Variants in THRB observed in about 807,000 individuals in gnomAD.
THRB encodes the protein nuclear receptor subfamily 1 group A member 2.
THRB carries 12 observed loss-of-function variants against 47.8 expected under a neutral mutation model. That is an observed-to-expected ratio of 0.25 (90% CI 0.16 to 0.41). The LOEUF is 0.41. Ranked by LOEUF, THRB falls within the 10% of genes least tolerant of loss-of-function variation. THRB has a pLI of 1.00. For synonymous variants in THRB, 218 were observed against 212.2 expected (o/e 1.03, Z -0.24); for missense variants, 348 against 589.2 (o/e 0.59, Z 4.24).
chr3:24,386,500 G>A (rs2066115724), intron 1 of THRB, among the ~76,000 whole-genome samples: 2 of 152,040 alleles, frequency 1.3e-5, no homozygotes, highest in African/African-American at 2.4e-5. Context: ...GGTATTTAAG[G>A]CCATCTGCAA....
intron 1 of THRB, among the ~76,000 whole-genome samples, chr3:24,374,289 T>C (rs1470267023): frequency 6.6e-6 from 1 of 152,104 alleles, no homozygotes; most frequent in Non-Finnish European, 1.5e-5. Flanking sequence ...TATAAGCATA[T>C]AAAGACAGAC....
At chr3:24,453,117 A>G (rs553573292) in intron 1 of THRB, among the ~76,000 whole-genome samples, 7 of 152,262 alleles carry the variant, frequency 4.6e-5, no homozygotes, top group Admixed American at 2.6e-4. Flanking sequence ...GATACCTGTC[A>G]GTTGTCTTTG....
intron 2 of THRB, among the ~76,000 whole-genome samples, chr3:24,302,206 G>A (rs2056991512): frequency 6.6e-6 from 1 of 152,168 alleles, no homozygotes; most frequent in South Asian, 2.1e-4. Context: ...CGTTCTAGAT[G>A]TACCCTCCAT....
chr3:24,392,137 T>A (rs975947451), intron 1 of THRB, among the ~76,000 whole-genome samples: 26 of 152,192 alleles, frequency 1.7e-4, no homozygotes, highest in African/African-American at 6.0e-4. Flanking sequence ...GAAACCACCA[T>A]TATATTACTT....
At chr3:24,156,086 A>G (rs888217233) in intron 5 of THRB, among the ~76,000 whole-genome samples, 2 of 152,242 alleles carry the variant, frequency 1.3e-5, no homozygotes, top group African/African-American at 4.8e-5. Flanking sequence ...TTTTCAGTTG[A>G]CATTTGGCAA....
intron 2 of THRB, among the ~76,000 whole-genome samples, chr3:24,328,618 C>T (rs1014213763): frequency 1.2e-4 from 19 of 152,138 alleles, no homozygotes; most frequent in Admixed American, 1.0e-3. Context: ...CCCCATGTTT[C>T]GTCAATTCTA....
At chr3:24,470,934 C>T (rs919134486) in intron 1 of THRB, among the ~76,000 whole-genome samples, 8 of 152,212 alleles carry the variant, frequency 5.3e-5, no homozygotes, top group Admixed American at 2.6e-4. Context: ...TTAACTAAGA[C>T]ACTTCAACAT....
chr3:24,131,157 CATT>C (rs1233873991), intron 9 of THRB, among the ~76,000 whole-genome samples: 6 of 152,016 alleles, frequency 3.9e-5, no homozygotes. Flanking sequence ...TTGTGGTATG[CATT>C]ATATTAAATA....
intron 1 of THRB, among the ~76,000 whole-genome samples, chr3:24,391,313 C>T (rs2066552920): frequency 6.6e-6 from 1 of 152,118 alleles, no homozygotes; most frequent in African/African-American, 2.4e-5. Context: ...AGAGTTGTCT[C>T]TTTCTCCTTA....
intron 1 of THRB, among the ~76,000 whole-genome samples, chr3:24,490,849 A>G (rs1369654983): frequency 1.3e-5 from 2 of 152,140 alleles, no homozygotes; most frequent in Admixed American, 1.3e-4. Context: ...CTGATAGGCC[A>G]TAGTAGCTCA....
intron 3 of THRB, among the ~76,000 whole-genome samples, chr3:24,275,315 T>C (rs1247076953): frequency 6.6e-6 from 1 of 152,230 alleles, no homozygotes; most frequent in Non-Finnish European, 1.5e-5. Context: ...TCTAAGTTTA[T>C]GCAACATTAA....
chr3:24,133,591 G>A (rs2034191470), intron 8 of THRB, 129 bp from the exon 9 acceptor site: 1 of 869,020 alleles, frequency 1.2e-6, no homozygotes, highest in Non-Finnish European at 1.9e-6. Context: ...CACATCATTT[G>A]TTAACAAACT....
intron 5 of THRB, among the ~76,000 whole-genome samples, chr3:24,180,836 A>G (rs902174961): frequency 1.3e-5 from 2 of 152,190 alleles, no homozygotes; most frequent in African/African-American, 2.4e-5. Context: ...CTAGACTGCA[A>G]TGCCACTATC....
chr3:24,289,375 T>G (rs2055683390), intron 3 of THRB, among the ~76,000 whole-genome samples: 1 of 152,226 alleles, frequency 6.6e-6, no homozygotes, highest in African/African-American at 2.4e-5. Context: ...CATAAAAAAT[T>G]GCCAACATTC....
At chr3:24,206,157 G>A (rs1257788041) in intron 4 of THRB, among the ~76,000 whole-genome samples, 2 of 152,152 alleles carry the variant, frequency 1.3e-5, no homozygotes, top group African/African-American at 2.4e-5. Context: ...GGACCTAATA[G>A]ACATCTACAG....
chr3:24,236,173 AC>A (rs1406181780), intron 3 of THRB, among the ~76,000 whole-genome samples: 2 of 151,936 alleles, frequency 1.3e-5, no homozygotes, highest in Admixed American at 1.3e-4. Context: ...TATACATCAA[AC>A]CTTTGACTCT....
chr3:24,399,354 T>A (rs2067224288), intron 1 of THRB, among the ~76,000 whole-genome samples: 1 of 152,090 alleles, frequency 6.6e-6, no homozygotes, highest in Non-Finnish European at 1.5e-5. Context: ...ATAATTCCTT[T>A]TTTCTTTTCA....
intron 1 of THRB, among the ~76,000 whole-genome samples, chr3:24,408,521 G>A (rs774506875): frequency 5.9e-5 from 9 of 151,846 alleles, no homozygotes; most frequent in African/African-American, 7.2e-5. Flanking sequence ...GTGTGAGCAC[G>A]TGCATGAGCA....
rs144030079 is a variant in THRB, at chr3:24,132,110, A to G, written c.885+1206T>C. Among the ~76,000 whole-genome samples the G allele has an allele frequency of 2.7e-3, 418 of 152,206 alleles. 11 individuals carry two copies. The highest frequency in any genetic ancestry group is 0.019 in the East Asian group (96 of 5,172). ...GGCTCCCATTATTGCAAACTCAAAGACAGAAGAGAGCTGGAAGCCAAGGCA... is the reference window on the plus strand; with the variant it reads ...GGCTCCCATTATTGCAAACTCAAAGGCAGAAGAGAGCTGGAAGCCAAGGCA... On this transcript the variant is annotated intron_variant, in intron 9 of 10. Transcript: ENST00000646209.
Sources: allele counts gnomAD v4.1 joint callset (sites outside exome capture counted in the v4.1 genomes callset), GRCh38; gene constraint gnomAD v4.1.1; transcripts MANE v1.5; gene names NCBI Gene and HGNC (gene_info 2026-07-23, HGNC 2026-07-21).